Variants in SORCS3 observed in about 807,000 individuals in gnomAD.
SORCS3 encodes the protein sortilin related VPS10 domain containing receptor 3.
SORCS3 carries 57 observed loss-of-function variants against 146.3 expected under a neutral mutation model. That is an observed-to-expected ratio of 0.39 (90% confidence interval 0.31 to 0.49). SORCS3 has a LOEUF of 0.49. Ranked by LOEUF, SORCS3 falls within the 20% of genes least tolerant of loss-of-function variation. The pLI is 0.92. For missense variants in SORCS3, 1,341 were observed against 1,575.5 expected (o/e 0.85, Z 2.52); for synonymous variants, 653 against 618.5 (o/e 1.06, Z -0.83).
At chr10:104,909,792 T>TG (rs2018947290) in intron 2 of SORCS3, among the ~76,000 whole-genome samples, 1 of 108,586 alleles carries the variant, frequency 9.2e-6, no homozygotes, top group African/African-American at 2.9e-5. Flanking sequence ...TTTTCTGTTT[T>TG]TTTTTTTTTC....
intron 14 of SORCS3, among the ~76,000 whole-genome samples, chr10:105,188,104 A>C (rs1287392868): frequency 1.3e-5 from 2 of 152,174 alleles, no homozygotes; most frequent in African/African-American, 4.8e-5. Context: ...CTAACTTCCA[A>C]AGATTCTAAC....
chr10:105,141,438 G>A (rs2056094742), intron 8 of SORCS3, among the ~76,000 whole-genome samples: 1 of 152,144 alleles, frequency 6.6e-6, no homozygotes, highest in African/African-American at 2.4e-5. Context: ...TCTTTCCATT[G>A]TTTAAAAATG....
chr10:104,771,477 A>C (rs552791651), intron 1 of SORCS3, among the ~76,000 whole-genome samples: 1 of 152,222 alleles, frequency 6.6e-6, no homozygotes, highest in East Asian at 1.9e-4. Flanking sequence ...TCACAGTGTA[A>C]TGAATTCTAA....
chr10:105,142,708 T>C (rs1418870), intron 8 of SORCS3, among the ~76,000 whole-genome samples: 77,120 of 151,998 alleles, frequency 0.51, 19,855 homozygotes, highest in Admixed American at 0.55. Context: ...TTCTAGTTTT[T>C]TTTTACTTTT....
At chr10:105,147,574 A>T (rs767083416) in intron 8 of SORCS3, 43 bp from the exon 9 acceptor site, 2 of 1,549,126 alleles carry the variant, frequency 1.3e-6, no homozygotes, top group African/African-American at 2.7e-5. Flanking sequence ...GGGCAGAGAG[A>T]TATGGAGATC....
intron 3 of SORCS3, among the ~76,000 whole-genome samples, chr10:104,965,691 CT>C (rs2054822432): frequency 6.6e-6 from 1 of 152,088 alleles, no homozygotes. Flanking sequence ...TTTTGAACAT[CT>C]TTTTATTTGC....
chr10:104,995,746 G>A (rs780608995), intron 4 of SORCS3, among the ~76,000 whole-genome samples: 1 of 152,156 alleles, frequency 6.6e-6, no homozygotes, highest in Non-Finnish European at 1.5e-5. Context: ...TCAATGAAGA[G>A]AAGTTCATAG....
intron 1 of SORCS3, among the ~76,000 whole-genome samples, chr10:104,697,157 T>G (rs948841562): frequency 6.6e-6 from 1 of 152,112 alleles, no homozygotes; most frequent in South Asian, 2.1e-4. Flanking sequence ...AATAGATGAA[T>G]AAATAAATAA....
intron 5 of SORCS3, among the ~76,000 whole-genome samples, chr10:105,077,199 C>G (rs542495359): frequency 6.6e-6 from 1 of 152,188 alleles, no homozygotes; most frequent in Admixed American, 6.5e-5. Context: ...GTGTTTTTAT[C>G]ATGTAAGCAA....
At chr10:105,013,422 T>C (rs2055146589) in intron 4 of SORCS3, among the ~76,000 whole-genome samples, 1 of 152,062 alleles carries the variant, frequency 6.6e-6, no homozygotes, top group Admixed American at 6.6e-5. Flanking sequence ...AAAAAGGTCA[T>C]CTTCTATACA....
At chr10:105,134,502 A>T (rs1487799762) in intron 7 of SORCS3, among the ~76,000 whole-genome samples, 2 of 151,746 alleles carry the variant, frequency 1.3e-5, no homozygotes, top group African/African-American at 2.4e-5. Context: ...CTTCCAAGAT[A>T]ATGCCTTGAA....
chr10:105,168,855 T>C (rs912795001), intron 13 of SORCS3, among the ~76,000 whole-genome samples: 3 of 152,150 alleles, frequency 2.0e-5, no homozygotes, highest in African/African-American at 7.2e-5. Context: ...TGCATATAAA[T>C]GTTGAAAAGA....
intron 16 of SORCS3, among the ~76,000 whole-genome samples, chr10:105,208,813 G>A (rs72817796): frequency 0.078 from 11,923 of 152,104 alleles, 542 homozygotes; most frequent in Middle Eastern, 0.17. Context: ...GCTCTCATGG[G>A]CTACTACAAG....
rs531981724 is a variant in SORCS3, at chr10:104,861,842, G to C, written c.695+18983G>C. On this transcript the variant is annotated intron_variant, in intron 2 of 26. Transcript: ENST00000369701. ...GAGTCTGAGATTGAGGTGTTGGCAT[G>C]GTTAGTTCCCTCTGAGCATGCATCT... Among the ~76,000 whole-genome samples the C allele has an allele frequency of 2.6e-5, 4 of 152,278 alleles. No individual in the cohort carries two copies. The East Asian group carries it at 5.8e-4, about 22-fold the overall frequency.
At chr10:104,856,262 A>G (rs963406892) in intron 2 of SORCS3, among the ~76,000 whole-genome samples, 1 of 151,472 alleles carries the variant, frequency 6.6e-6, no homozygotes, top group African/African-American at 2.4e-5. Context: ...AGGTGCCCCT[A>G]ATTGGTTGGT....
At chr10:104,872,644 G>C (rs556701129) in intron 2 of SORCS3, among the ~76,000 whole-genome samples, 1 of 147,264 alleles carries the variant, frequency 6.8e-6, no homozygotes, top group African/African-American at 2.5e-5. Flanking sequence ...CTCTGAAATA[G>C]AGGGTGAATA....
chr10:104,867,640 T>C (rs80203323), intron 2 of SORCS3, among the ~76,000 whole-genome samples: 8 of 152,124 alleles, frequency 5.3e-5, no homozygotes, highest in East Asian at 3.9e-4. Context: ...GCATTCACTC[T>C]TAGGGTCCTG....
At chr10:105,184,876 G>A (rs1224354682) in intron 14 of SORCS3, among the ~76,000 whole-genome samples, 1 of 152,014 alleles carries the variant, frequency 6.6e-6, no homozygotes, top group Non-Finnish European at 1.5e-5. Flanking sequence ...ATAATGTATT[G>A]CTAAATACAG....
chr10:105,248,861 G>T (rs2056882870), intron 22 of SORCS3, among the ~76,000 whole-genome samples: 1 of 152,138 alleles, frequency 6.6e-6, no homozygotes, highest in African/African-American at 2.4e-5. Context: ...ACCAAAAGAA[G>T]CTTGGCATCT....
Sources: allele counts gnomAD v4.1 joint callset (sites outside exome capture counted in the v4.1 genomes callset), GRCh38; gene constraint gnomAD v4.1.1; transcripts MANE v1.5; gene names NCBI Gene and HGNC (gene_info 2026-07-23, HGNC 2026-07-21).